The following EIF3M variants were observed in gnomAD, a reference collection of about 807,000 sequenced individuals.
The protein encoded by EIF3M is B5 receptor.
EIF3M carries 25 observed loss-of-function variants against 49.7 expected under a neutral mutation model. The observed-to-expected ratio is 0.50, with a 90% CI of 0.37 to 0.70. The LOEUF is 0.70. Ranked by LOEUF, EIF3M falls within the 30% of genes least tolerant of loss-of-function variation. EIF3M has a pLI of 0.00. For synonymous variants in EIF3M, 156 were observed against 149.8 expected, an observed-to-expected ratio of 1.04 and a Z score of -0.30; for missense variants, 350 against 440.0, an observed-to-expected ratio of 0.80 and a Z score of 1.83.
Position 32,605,463 on chromosome 11 carries a change from A to G in EIF3M, c.*3064A>G, listed in dbSNP as rs1425380353. On this transcript the variant is annotated 3_prime_UTR_variant, in exon 11 of 11. Transcript: ENST00000531120. ...CTTCTTTTAGTTCCCAGATGCTATTACTGGAAAGAATAACTAGTAATGGAT... is the reference window on the plus strand; with the variant it reads ...CTTCTTTTAGTTCCCAGATGCTATTGCTGGAAAGAATAACTAGTAATGGAT... 1 of 152,186 alleles carries G rather than the reference A, an allele frequency of 6.6e-6. No individual in the cohort carries two copies. Among genetic ancestry groups the G allele is most frequent in the African/African-American group, 2.4e-5 (1 of 41,432 alleles). 9.4% of individuals were successfully genotyped at this position (152,186 alleles called of 1,614,324 possible). A position where few individuals can be genotyped will look rare whatever the true frequency, so the allele number is the denominator to read the frequency against.
intron 5 of EIF3M, chr11:32,592,277 TAG>T: frequency 1.3e-5 from 6 of 479,724 alleles, no homozygotes; most frequent in South Asian, 1.0e-4. Context: ...CGCCTGTTAA[TAG>T]AGTGTTATTT....
intron 8 of EIF3M, among the ~76,000 whole-genome samples, chr11:32,598,560 G>A (rs1855213922): frequency 6.6e-6 from 1 of 151,884 alleles, no homozygotes; most frequent in African/African-American, 2.4e-5. Flanking sequence ...TTTTAAGTTT[G>A]GTTCTTTGTT....
chr11:32,590,643 G>A (rs1014195821), intron 5 of EIF3M, among the ~76,000 whole-genome samples: 5 of 152,136 alleles, frequency 3.3e-5, no homozygotes, highest in African/African-American at 1.2e-4. Context: ...AACTGGAAGG[G>A]GATACTTGTT....
In EIF3M at chr11:32,589,027, C is replaced by T; in HGVS notation, c.330C>T (p.Phe110=). The change falls in exon 4 of 11, where the codon TTC becomes TTT. Residue 110 remains phenylalanine (F), a synonymous_variant. Coordinates refer to ENST00000531120, the MANE Select transcript of EIF3M (RefSeq NM_006360.6). ...SLRLQLLSNL[F]HGMDKNTPVR... is the part of the protein sequence containing the mutation. ...AACCAACCAGGTTAAGCAACCTTTT[C>T]CACGGGATGGATAAGAATACTCCTG... 6.2e-6 allele frequency: 10 copies of T among 1,613,688 alleles called. No homozygotes were observed. The highest frequency in any genetic ancestry group is 8.5e-6 in the Non-Finnish European group (10 of 1,179,896).
chr11:32,593,576 T>C (rs2133198952), intron 5 of EIF3M, among the ~76,000 whole-genome samples: 1 of 152,330 alleles, frequency 6.6e-6, no homozygotes, highest in East Asian at 1.9e-4. Flanking sequence ...CCATCTCTTC[T>C]GAGGGAGACT....
At chr11:32,596,385 G>A (rs966875980) in intron 8 of EIF3M, among the ~76,000 whole-genome samples, 5 of 151,922 alleles carry the variant, frequency 3.3e-5, no homozygotes, top group Non-Finnish European at 7.4e-5. Flanking sequence ...AGGTCAGGAG[G>A]TCGAGACCAT....
chr11:32,587,194 T>C (rs1321614854), intron 2 of EIF3M, 50 bp downstream of exon 2: 1 of 1,513,482 alleles, frequency 6.6e-7, no homozygotes, highest in Non-Finnish European at 8.9e-7. Context: ...CTTTTAAATT[T>C]TTCTTGTGAA....
intron 1 of EIF3M, 139 bp from the exon 2 acceptor site, chr11:32,586,873 G>A (rs1309808042): frequency 1.5e-5 from 18 of 1,182,446 alleles, no homozygotes; most frequent in Non-Finnish European, 2.1e-5. Flanking sequence ...GATGGATGAG[G>A]TGAGGGAGGG....
intron 8 of EIF3M, among the ~76,000 whole-genome samples, chr11:32,599,252 C>T (rs984784303): frequency 3.3e-5 from 5 of 151,956 alleles, no homozygotes; most frequent in Admixed American, 6.6e-5. Flanking sequence ...GAAAGTTAAT[C>T]GGCATCTAAT....
In EIF3M at chr11:32,602,526, C is replaced by A; in HGVS notation, c.*127C>A. The A allele has an allele frequency of 8.8e-7, 1 of 1,142,110 alleles. No individual in the cohort carries two copies. The highest frequency in any genetic ancestry group is 1.7e-5 in the South Asian group (1 of 57,626). The allele number at this position is 1,142,110 out of a possible 1,614,324, so 70.7% of individuals were successfully genotyped here. A position where few individuals can be genotyped will look rare whatever the true frequency, so the allele number is the denominator to read the frequency against. On this transcript the variant is annotated 3_prime_UTR_variant, in exon 11 of 11. Coordinates refer to ENST00000531120, the MANE Select transcript of EIF3M (RefSeq NM_006360.6). The stretch of plus-strand genomic sequence containing the variant: ...CAAATTTATACTAAAATCACAAACT[C>A]CAGAGGATATGAAGTAATAAATTAC...
At chr11:32,590,770 A>T (rs79333984) in intron 5 of EIF3M, among the ~76,000 whole-genome samples, 5,183 of 152,280 alleles carry the variant, frequency 0.034, 119 homozygotes, top group Non-Finnish European at 0.052. Flanking sequence ...CCTAGCAGTT[A>T]AGTAAAAATG....
At position 32,606,047 on chromosome 11, in the gene EIF3M, T is replaced by G. The variant is rs1355643782; in HGVS notation, c.*3648T>G. ...AAAGTAAGTGGCTTGCTTTGCTTAC[T>G]CTGGTTTTCCATCCTCATTCCTGGA... On this transcript the variant is annotated 3_prime_UTR_variant, in exon 11 of 11. Transcript: ENST00000531120. The G allele has an allele frequency of 6.6e-6, 1 of 152,160 alleles. No individual in the cohort carries two copies. 9.4% of individuals were successfully genotyped at this position (152,160 alleles called of 1,614,324 possible). A position where few individuals can be genotyped will look rare whatever the true frequency, so the allele number is the denominator to read the frequency against.
At chr11:32,601,936 G>A (rs956541285) in intron 10 of EIF3M, 114 bp downstream of exon 10, 1 of 1,093,462 alleles carries the variant, frequency 9.1e-7, no homozygotes, top group Non-Finnish European at 1.3e-6. Flanking sequence ...TAGTTAAATA[G>A]TTGCTATTTA....
At position 32,595,031 on chromosome 11, in the gene EIF3M, T is replaced by C; in HGVS notation, c.717+18T>C. The C allele has an allele frequency of 6.3e-7, 1 of 1,599,258 alleles. No homozygotes were observed. The highest frequency in any genetic ancestry group is 8.5e-7 in the Non-Finnish European group (1 of 1,173,700). ...TTCATGATGTAAGTAGTTTATCCTT[T>C]AATGTGAAAAATGTTCTCCTTTCCT... On this transcript the variant is annotated intron_variant, in intron 7 of 10. Coordinates refer to ENST00000531120, the MANE Select transcript of EIF3M (RefSeq NM_006360.6).
intron 5 of EIF3M, chr11:32,592,589 G>T: frequency 1.8e-6 from 1 of 540,602 alleles, no homozygotes; most frequent in South Asian, 1.4e-5. Context: ...CAACACAAGA[G>T]TAAGTCACAA....
chr11:32,592,350 A>T, intron 5 of EIF3M: 1 of 550,730 alleles, frequency 1.8e-6, no homozygotes, highest in East Asian at 4.6e-5. Flanking sequence ...TCTTTTTTCC[A>T]CTCTGCCAGT....
chr11:32,603,008 G>A lies in EIF3M; in HGVS notation c.*609G>A. The stretch of plus-strand genomic sequence containing the variant: ...CTTTGTAGTGGAGTTGATATCAGAG[G>A]CTTTGTTTTCACCTGGGAAAGATAA... On this transcript the variant is annotated 3_prime_UTR_variant, in exon 11 of 11. Coordinates refer to ENST00000531120, the MANE Select transcript of EIF3M (RefSeq NM_006360.6). 6.3e-7 allele frequency: 1 copy of A among 1,592,748 alleles called. No individual in the cohort carries two copies. Among genetic ancestry groups the A allele is most frequent in the Non-Finnish European group, 8.5e-7 (1 of 1,174,706 alleles).
chr11:32,598,119 G>A (rs1014843260), intron 8 of EIF3M, among the ~76,000 whole-genome samples: 1 of 152,154 alleles, frequency 6.6e-6, no homozygotes, highest in African/African-American at 2.4e-5. Context: ...GTGATGGAAT[G>A]TTAATGTCAG....
chr11:32,602,201 T>A (rs1428021768), intron 10 of EIF3M, 78 bp from the exon 11 acceptor site: 3 of 1,565,034 alleles, frequency 1.9e-6, no homozygotes, highest in Non-Finnish European at 2.6e-6. Flanking sequence ...TTTAACTGGA[T>A]TCAAATCTGT....
Sources: allele counts gnomAD v4.1 joint callset (sites outside exome capture counted in the v4.1 genomes callset), GRCh38; gene constraint gnomAD v4.1.1; transcripts MANE v1.5; gene names NCBI Gene and HGNC (gene_info 2026-07-23, HGNC 2026-07-21).